The following VDR variants were observed in gnomAD, a reference collection of about 807,000 sequenced individuals.
VDR encodes vitamin D receptor.
A neutral mutation model predicts 39.7 loss-of-function variants in VDR; 19 were observed. The observed-to-expected ratio is 0.48, with a 90% CI of 0.33 to 0.70. The LOEUF (loss-of-function observed/expected upper bound fraction) is 0.70, where lower values mean the gene tolerates loss of function less well. Among genes scored for constraint, VDR ranks in the 30% least tolerant of loss-of-function variants. The pLI is 0.02. For missense variants in VDR, 442 were observed against 570.5 expected (o/e 0.77, Z 2.29); for synonymous variants, 242 against 215.8 (o/e 1.12, Z -1.07).
At chr12:47,891,496 C>T (rs1365621265) in intron 1 of VDR, among the ~76,000 whole-genome samples, 2 of 152,028 alleles carry the variant, frequency 1.3e-5, no homozygotes, top group Admixed American at 6.5e-5. Flanking sequence ...CCCAAACAAA[C>T]GTTGCCCAGA....
intron 6 of VDR, among the ~76,000 whole-genome samples, chr12:47,856,582 C>T (rs1446283691): frequency 7.0e-6 from 1 of 143,324 alleles, no homozygotes; most frequent in East Asian, 2.0e-4. Flanking sequence ...AGATTGTATA[C>T]AGCACAATTT....
In VDR at chr12:47,873,413, T is replaced by G. The variant is rs868200509; in HGVS notation, c.146+5555A>C. On this transcript the variant is annotated intron_variant, in intron 3 of 9. Transcript: ENST00000549336. ...AGTCTCGCTGTCGCCCACGCTGGAGTGCAGTGGCGCAATCTCGGCTCACTG... is the reference window on the plus strand; with the variant it reads ...AGTCTCGCTGTCGCCCACGCTGGAGGGCAGTGGCGCAATCTCGGCTCACTG... Among the ~76,000 whole-genome samples, 19 of 131,534 alleles carry G rather than the reference T, an allele frequency of 1.4e-4. 1 individual carries two copies. The highest frequency in any genetic ancestry group is 5.1e-4 in the South Asian group (2 of 3,900). 86.3% of individuals were successfully genotyped at this position (131,534 alleles called of 152,430 possible). A position where few individuals can be genotyped will look rare whatever the true frequency, so the allele number is the denominator to read the frequency against.
At position 47,843,381 on chromosome 12, in the gene VDR, T is replaced by G. The variant is rs1592091835; in HGVS notation, c.*1365A>C. On this transcript the variant is annotated 3_prime_UTR_variant, in exon 10 of 10. Coordinates refer to ENST00000549336, the MANE Select transcript of VDR (RefSeq NM_000376.3). ...CATTCCCCAAACTCAAGCACTGATC[T>G]GAAGAAGCCTCTGTGATCCACCTCG... is the stretch of plus-strand genomic sequence containing the variant. 6.6e-6 allele frequency: 1 copy of G among 152,368 alleles called. No homozygotes were observed. The highest frequency in any genetic ancestry group is 3.4e-3 in the Middle Eastern group (1 of 294). The allele number at this position is 152,368 out of a possible 1,614,324, so 9.4% of individuals were successfully genotyped here.
chr12:47,902,580 T>C (rs1233543823), intron 1 of VDR, among the ~76,000 whole-genome samples: 1 of 152,178 alleles, frequency 6.6e-6, no homozygotes, highest in Admixed American at 6.5e-5. Context: ...AAAACAGAAT[T>C]GCAGCAGGGA....
intron 1 of VDR, among the ~76,000 whole-genome samples, chr12:47,896,216 A>T (rs976615611): frequency 1.5e-4 from 23 of 152,252 alleles, no homozygotes; most frequent in African/African-American, 5.5e-4. Flanking sequence ...CCTGCTCAGT[A>T]AACGTTAGTG....
intron 1 of VDR, among the ~76,000 whole-genome samples, chr12:47,892,050 G>A (rs1946380798): frequency 6.6e-6 from 1 of 152,242 alleles, no homozygotes. Context: ...CCTAGACATG[G>A]GGTGGGCTCT....
chr12:47,877,721 C>A (rs148217890), intron 3 of VDR, among the ~76,000 whole-genome samples: 259 of 152,308 alleles, frequency 1.7e-3, no homozygotes, highest in African/African-American at 5.6e-3. Flanking sequence ...AGAAGGCCCA[C>A]CCTGCAGGAT....
intron 3 of VDR, among the ~76,000 whole-genome samples, chr12:47,867,666 T>G (rs1945765526): frequency 6.6e-6 from 1 of 152,202 alleles, no homozygotes; most frequent in Admixed American, 6.5e-5. Context: ...AATCACTGTC[T>G]GCATGAGCAG....
chr12:47,860,569 G>A (rs1321208798), intron 4 of VDR, among the ~76,000 whole-genome samples: 6 of 152,182 alleles, frequency 3.9e-5, no homozygotes, highest in South Asian at 2.1e-4. Context: ...CACTTTTAAC[G>A]TCATATAACC....
intron 1 of VDR, among the ~76,000 whole-genome samples, chr12:47,899,620 CCT>C (rs1402655526): frequency 6.6e-6 from 1 of 152,208 alleles, no homozygotes; most frequent in African/African-American, 2.4e-5. Context: ...ACCAAGGAAC[CCT>C]GAGACCCACA....
chr12:47,853,314 G>A (rs1272444965), intron 7 of VDR, among the ~76,000 whole-genome samples: 5 of 151,808 alleles, frequency 3.3e-5, no homozygotes. Flanking sequence ...GTAGTGGCGG[G>A]CGCCTGTCAT....
At chr12:47,891,181 T>TGCCC (rs1315873562) in intron 1 of VDR, among the ~76,000 whole-genome samples, 1 of 152,206 alleles carries the variant, frequency 6.6e-6, no homozygotes, top group Non-Finnish European at 1.5e-5. Context: ...GCCAGCCTGA[T>TGCCC]GCCCCTGGCC....
intron 4 of VDR, among the ~76,000 whole-genome samples, chr12:47,860,680 A>C (rs548764518): frequency 6.6e-6 from 1 of 152,266 alleles, no homozygotes; most frequent in East Asian, 1.9e-4. Flanking sequence ...CCCGCATTGC[A>C]TGGCTTGGCG....
chr12:47,886,245 T>G (rs1328786796), intron 1 of VDR, among the ~76,000 whole-genome samples: 1 of 152,258 alleles, frequency 6.6e-6, no homozygotes, highest in Non-Finnish European at 1.5e-5. Flanking sequence ...CAACCGCACA[T>G]GTACTTGTGC....
At chr12:47,860,521 A>G (rs991195148) in intron 4 of VDR, among the ~76,000 whole-genome samples, 2 of 152,214 alleles carry the variant, frequency 1.3e-5, no homozygotes, top group African/African-American at 2.4e-5. Flanking sequence ...AACAATTGTT[A>G]TGGAAAGATT....
intron 2 of VDR, among the ~76,000 whole-genome samples, chr12:47,880,875 AT>A (rs1164330071): frequency 1.4e-5 from 2 of 147,042 alleles, no homozygotes; most frequent in African/African-American, 5.0e-5. Flanking sequence ...TATATTATAT[AT>A]TAATATATAT....
chr12:47,880,735 G>T (rs537229285), intron 2 of VDR, among the ~76,000 whole-genome samples: 2 of 151,588 alleles, frequency 1.3e-5, no homozygotes, highest in African/African-American at 2.4e-5. Flanking sequence ...GGCAAAGATC[G>T]CAATTACTTT....
At chr12:47,859,270 A>G (rs1161430617) in intron 4 of VDR, among the ~76,000 whole-genome samples, 1 of 152,216 alleles carries the variant, frequency 6.6e-6, no homozygotes, top group African/African-American at 2.4e-5. Context: ...GGACTTTGCT[A>G]ACTTTCCAGT....
chr12:47,849,054 C>T (rs7962898), intron 7 of VDR, among the ~76,000 whole-genome samples: 71,470 of 152,004 alleles, frequency 0.47, 17,398 homozygotes, highest in South Asian at 0.56. Flanking sequence ...TGAACAATGG[C>T]GAGGAAAAGG....
Sources: allele counts gnomAD v4.1 joint callset (sites outside exome capture counted in the v4.1 genomes callset), GRCh38; gene constraint gnomAD v4.1.1; transcripts MANE v1.5; gene names NCBI Gene and HGNC (gene_info 2026-07-23, HGNC 2026-07-21).